Variants in NTPCR observed in about 807,000 individuals in gnomAD.
NTPCR encodes the protein nucleoside-triphosphatase, cancer-related.
Under a neutral mutation model 19.5 loss-of-function variants are expected in NTPCR, and 15 were observed. The ratio of observed to expected loss-of-function variants is 0.77; its 90% CI spans 0.51 to 1.18. The LOEUF is 1.18. NTPCR is among the 50% of genes most tolerant of loss of function. The pLI, the probability that NTPCR is intolerant of heterozygous loss-of-function variation, is 0.00. For synonymous variants in NTPCR, 90 were observed against 95.8 expected (o/e 0.94, Z 0.36); for missense variants, 206 against 240.4 (o/e 0.86, Z 0.95).
chr1:232,979,132 AAATG>A lies in NTPCR; in HGVS notation c.*904_*907del, dbSNP rs1339806530. 6.6e-6 allele frequency: 1 copy of A among 152,166 alleles called. No individual in the cohort carries two copies. Among genetic ancestry groups the A allele is most frequent in the Non-Finnish European group, 1.5e-5 (1 of 68,044 alleles). The allele number at this position is 152,166 out of a possible 1,614,324, so 9.4% of individuals were successfully genotyped here. On this transcript the variant is annotated 3_prime_UTR_variant, in exon 5 of 5. Coordinates refer to ENST00000366628, the MANE Select transcript of NTPCR (RefSeq NM_032324.3). This position sits in a 1 kb window ranked among gnomAD's most constrained non-coding sequence, Gnocchi z 5.3. ...TCAGCCCATAACAGGGGTACTATAA[AAATG>A]AAGTAGGAAAGTAGAAGAGACCCCT...
At chr1:232,954,955 G>T (rs1183617755) in intron 1 of NTPCR, among the ~76,000 whole-genome samples, 1 of 152,172 alleles carries the variant, frequency 6.6e-6, no homozygotes, top group East Asian at 1.9e-4. Context: ...AGAAGATGAT[G>T]TTGGAAGGAG....
chr1:232,973,690 A>G (rs557683089), intron 4 of NTPCR, among the ~76,000 whole-genome samples: 1 of 152,368 alleles, frequency 6.6e-6, no homozygotes, highest in Admixed American at 6.5e-5. Flanking sequence ...CAAATGAAAA[A>G]TAGTCTCAGC....
At chr1:232,960,646 T>A (rs1668644665) in intron 3 of NTPCR, among the ~76,000 whole-genome samples, 1 of 152,158 alleles carries the variant, frequency 6.6e-6, no homozygotes, top group South Asian at 2.1e-4. Flanking sequence ...CTAGCCTGGT[T>A]ACGTTTCTTT....
intron 4 of NTPCR, among the ~76,000 whole-genome samples, chr1:232,972,886 T>G (rs1669022087): frequency 6.6e-6 from 1 of 152,172 alleles, no homozygotes; most frequent in African/African-American, 2.4e-5. Flanking sequence ...TGAGGCATGA[T>G]CTCTGCCCTC....
chr1:232,981,552 G>C lies in NTPCR; in HGVS notation c.*3321G>C, dbSNP rs1273628997. The C allele has an allele frequency of 6.6e-6, 1 of 152,122 alleles. No individual in the cohort carries two copies. Among genetic ancestry groups the C allele is most frequent in the Non-Finnish European group, 1.5e-5 (1 of 68,016 alleles). The allele number at this position is 152,122 out of a possible 1,614,324, so 9.4% of individuals were successfully genotyped here. A position where few individuals can be genotyped will look rare whatever the true frequency, so the allele number is the denominator to read the frequency against. On this transcript the variant is annotated 3_prime_UTR_variant, in exon 5 of 5. Coordinates refer to ENST00000366628, the MANE Select transcript of NTPCR (RefSeq NM_032324.3). ...ACATTTTGTGGGCAAAGAAGTTGAA[G>C]CATCGCATGATTTTAACAAATTACT...
At chr1:232,958,123 C>G (rs1668563751) in intron 3 of NTPCR, among the ~76,000 whole-genome samples, 1 of 152,164 alleles carries the variant, frequency 6.6e-6, no homozygotes, top group South Asian at 2.1e-4. Context: ...GTCATTTAAT[C>G]TATTACAGAC....
intron 1 of NTPCR, chr1:232,951,136 T>C (rs743198): frequency 0.24 from 44,495 of 187,468 alleles, 5,504 homozygotes; most frequent in African/African-American, 0.31. Flanking sequence ...GTCACAGGTA[T>C]TTCCTTACTG....
intron 3 of NTPCR, chr1:232,964,677 ATGGTT>A (rs1345702263): frequency 6.6e-6 from 1 of 152,182 alleles, no homozygotes; most frequent in Non-Finnish European, 1.5e-5. Context: ...AAATGCCATA[ATGGTT>A]AAGCTTTTTT....
At chr1:232,966,025 C>T (rs1668808468) in intron 3 of NTPCR, 1 of 152,140 alleles carries the variant, frequency 6.6e-6, no homozygotes, top group Admixed American at 6.5e-5. Context: ...CTGGCTATGC[C>T]CTGGAGACTC....
chr1:232,972,088 G>A (rs1244940219), intron 4 of NTPCR, among the ~76,000 whole-genome samples: 1 of 152,186 alleles, frequency 6.6e-6, no homozygotes, highest in South Asian at 2.1e-4. Flanking sequence ...CCCAGAAACA[G>A]ACTTTGTGTC....
chr1:232,960,593 T>C (rs1571956855), intron 3 of NTPCR, among the ~76,000 whole-genome samples: 1 of 152,058 alleles, frequency 6.6e-6, no homozygotes, highest in Non-Finnish European at 1.5e-5. Flanking sequence ...CCACCCACCT[T>C]GGCCTCCCAA....
chr1:232,970,141 A>G (rs1356059369), intron 4 of NTPCR, 23 bp downstream of exon 4: 1 of 1,550,796 alleles, frequency 6.4e-7, no homozygotes, highest in East Asian at 2.2e-5. Context: ...AGTCCTCCAT[A>G]ATCAGTGGAA....
intron 3 of NTPCR, 53 bp from the exon 4 acceptor site, chr1:232,969,856 C>A: frequency 7.0e-7 from 1 of 1,431,210 alleles, no homozygotes; most frequent in African/African-American, 1.4e-5. Context: ...GACCCATGGG[C>A]CCTTTGATTA....
intron 3 of NTPCR, chr1:232,964,320 G>A (rs146428398): frequency 4.9e-4 from 74 of 152,236 alleles, no homozygotes; most frequent in African/African-American, 1.7e-3. Flanking sequence ...CATCCTTCTC[G>A]AGTATCTCAT....
Position 232,981,477 on chromosome 1 carries a change from G to A in NTPCR, c.*3246G>A, listed in dbSNP as rs1669277875. Reference sequence around the variant, plus strand: ...ATAGTGACTTGGGACAAAACAGCATGGTAGATGAGGCTGGAGACGGGTGGG... The same window carrying A: ...ATAGTGACTTGGGACAAAACAGCATAGTAGATGAGGCTGGAGACGGGTGGG... On this transcript the variant is annotated 3_prime_UTR_variant, in exon 5 of 5. Coordinates refer to ENST00000366628, the MANE Select transcript of NTPCR (RefSeq NM_032324.3). 2.0e-5 allele frequency: 3 copies of A among 152,218 alleles called. 1 individual carries two copies. The allele number at this position is 152,218 out of a possible 1,614,324, so 9.4% of individuals were successfully genotyped here. A position where few individuals can be genotyped will look rare whatever the true frequency, so the allele number is the denominator to read the frequency against.
intron 4 of NTPCR, among the ~76,000 whole-genome samples, chr1:232,971,111 C>T (rs927688548): frequency 6.6e-6 from 1 of 152,356 alleles, no homozygotes. Flanking sequence ...AAATTCTTGC[C>T]TTTCTTTCCC....
intron 1 of NTPCR, 74 bp downstream of exon 1, chr1:232,950,818 T>C: frequency 9.7e-7 from 1 of 1,029,650 alleles, no homozygotes; most frequent in Non-Finnish European, 1.4e-6. Context: ...GACCTTGTGC[T>C]GTCGGGGAGG....
Position 232,979,551 on chromosome 1 carries a change from C to CACA in NTPCR, c.*1324_*1326dup, listed in dbSNP as rs1209386619. ...TGGACTTGCCTAGCCTTGGAGGGAC[C>CACA]ACAACAGGGAGGCCTAATAGATTAT... On this transcript the variant is annotated 3_prime_UTR_variant, in exon 5 of 5. Transcript: ENST00000366628. This position sits in a 1 kb window ranked among gnomAD's most constrained non-coding sequence, Gnocchi z 5.3. 1 of 152,294 alleles carries CACA rather than the reference C, an allele frequency of 6.6e-6. No individual in the cohort carries two copies. The highest frequency in any genetic ancestry group is 1.9e-4 in the East Asian group (1 of 5,188). The allele number at this position is 152,294 out of a possible 1,614,324, so 9.4% of individuals were successfully genotyped here.
chr1:232,965,569 C>T (rs1422140534), intron 3 of NTPCR: 3 of 152,358 alleles, frequency 2.0e-5, no homozygotes, highest in Admixed American at 6.5e-5. Context: ...ATGGCAGTAC[C>T]TTGAGAGGAG....
Sources: allele counts gnomAD v4.1 joint callset (sites outside exome capture counted in the v4.1 genomes callset), GRCh38; gene constraint gnomAD v4.1.1; non-coding constraint Gnocchi (gnomAD v3.1); transcripts MANE v1.5; gene names NCBI Gene and HGNC (gene_info 2026-07-23, HGNC 2026-07-21).